The following RP1 variants were observed in gnomAD, a reference collection of about 807,000 sequenced individuals.
The protein encoded by RP1 is oxygen-regulated protein 1.
Under a neutral mutation model 14.8 loss-of-function variants are expected in RP1, and 16 were observed. The observed-to-expected ratio is 1.08, with a 90% CI of 0.73 to 1.65. The LOEUF is 1.65. Among genes scored for constraint, RP1 ranks in the 40% most tolerant of loss-of-function variants. The probability of loss-of-function intolerance (pLI) is 0.00; values close to 1 mark genes in which losing one functional copy is unlikely to be tolerated. For synonymous variants in RP1, 876 were observed against 883.6 expected, an observed-to-expected ratio of 0.99 and a Z score of 0.15; for missense variants, 2,631 against 2,535.0, an observed-to-expected ratio of 1.04 and a Z score of -0.81.
chr8:54,573,846 T>C (rs568683932), intron 1 of RP1, among the ~76,000 whole-genome samples: 48 of 152,264 alleles, frequency 3.2e-4, no homozygotes, highest in Admixed American at 9.2e-4. Context: ...AAACATAACA[T>C]AAAGGGGTTA....
chr8:54,836,974 G>C (rs899065105), intron 24 of RP1, among the ~76,000 whole-genome samples: 1 of 152,154 alleles, frequency 6.6e-6, no homozygotes, highest in East Asian at 1.9e-4. Flanking sequence ...GTTCTGGGGG[G>C]TGCAAAGGAA....
chr8:54,734,812 G>GT, intron 18 of RP1: 1 of 1,162,354 alleles, frequency 8.6e-7, no homozygotes, highest in East Asian at 2.6e-5. Flanking sequence ...GTAGAAGTGT[G>GT]TGTGTGTGTG....
At chr8:54,770,155 G>A, downstream of RP1, 1 of 401,720 alleles carries the variant, frequency 2.5e-6, no homozygotes. Flanking sequence ...TAAAATACAA[G>A]AGGAAGCAAA....
chr8:54,783,593 C>T (rs374666980), exon 24 of RP1: 89 of 1,231,474 alleles, frequency 7.2e-5, no homozygotes, highest in South Asian at 1.2e-4. Flanking sequence ...TTGAAAATGC[C>T]GGCACCACGG....
At chr8:54,749,213 C>A (rs1261782447) in intron 19 of RP1, among the ~76,000 whole-genome samples, 1 of 151,958 alleles carries the variant, frequency 6.6e-6, no homozygotes, top group Non-Finnish European at 1.5e-5. Flanking sequence ...CACCTGTAGT[C>A]CCAGCTACTT....
exon 26 of RP1, chr8:54,852,718 A>C: frequency 8.1e-7 from 1 of 1,232,044 alleles, no homozygotes. Flanking sequence ...ATCAAGTTTC[A>C]GCGTGGACAG....
downstream of RP1, among the ~76,000 whole-genome samples, chr8:54,635,799 C>T (rs1768477465): frequency 6.6e-6 from 1 of 152,110 alleles, no homozygotes; most frequent in African/African-American, 2.4e-5. Context: ...ATAGGTTCAC[C>T]CCTTCAGGAG....
At position 54,628,628 on chromosome 8, in the gene RP1, C is replaced by A. The variant is rs372895805; in HGVS notation, c.4746C>A (p.Cys1582Ter). Reference protein sequence around the residue: ...YSESSPDLKKCIKSPVTSDWS... With the variant: ...YSESSPDLKK ...AGTCCTCTCCTGATTTAAAAAAATG[C>A]ATCAAAAGTCCAGTGACTTCTGATT... Residue 1582 changes from cysteine to a stop codon, truncating the protein, a stop_gained, in exon 4 of 4, where the codon TGC becomes TGA. Transcript: ENST00000220676. LOFTEE classifies it low-confidence loss of function (END_TRUNC). 4 of 1,613,964 alleles carry A rather than the reference C, an allele frequency of 2.5e-6. No individual in the cohort carries two copies. The highest frequency in any genetic ancestry group is 3.4e-6 in the Non-Finnish European group (4 of 1,179,928).
At chr8:54,849,488 G>A (rs1812009012) in intron 25 of RP1, among the ~76,000 whole-genome samples, 1 of 151,988 alleles carries the variant, frequency 6.6e-6, no homozygotes, top group East Asian at 1.9e-4. Flanking sequence ...ATGTCCCCAT[G>A]AAAAGCAAGT....
chr8:54,825,796 A>G (rs116978753), intron 24 of RP1, among the ~76,000 whole-genome samples: 2,857 of 152,204 alleles, frequency 0.019, 38 homozygotes, highest in South Asian at 0.033. Context: ...AAGAGATAAA[A>G]TAGGATGGCT....
intron 3 of RP1, among the ~76,000 whole-genome samples, chr8:54,638,893 TCTCTCTCTCTCTCTCG>T (rs1173215004): frequency 9.3e-4 from 105 of 113,476 alleles, no homozygotes; most frequent in African/African-American, 3.6e-3. Context: ...TCTCTCTCTC[TCTCTCTCTCTCTCTCG>T]GTCTCTCTCA....
At chr8:54,751,837 C>T (rs1194265213) in intron 19 of RP1, among the ~76,000 whole-genome samples, 4 of 152,142 alleles carry the variant, frequency 2.6e-5, no homozygotes, top group Admixed American at 6.6e-5. Flanking sequence ...TGTTTCGAGC[C>T]ATCATGACTT....
Position 54,625,867 on chromosome 8 carries a change from AG to A in RP1, c.1986del (p.Lys663ArgfsTer19), listed in dbSNP as rs754246929. 3 of 1,613,688 alleles carry A rather than the reference AG, an allele frequency of 1.9e-6. No homozygotes were observed. The highest frequency in any genetic ancestry group is 2.7e-5 in the African/African-American group (2 of 74,936). ...TTAACAAAACTTCCAAAAAATGAAA[AG>A]AAGATTTTGTCATCTGTTGCCAGCA... ...CGLTKLPKNE[K>X]KILSSVASKK... On this transcript the variant is annotated frameshift_variant, in exon 4 of 4. Coordinates refer to ENST00000220676, the MANE Select transcript of RP1 (RefSeq NM_006269.2). LOFTEE classifies it low-confidence loss of function (END_TRUNC).
chr8:54,802,651 T>G (rs1810740644), intron 24 of RP1, among the ~76,000 whole-genome samples: 1 of 152,198 alleles, frequency 6.6e-6, no homozygotes, highest in African/African-American at 2.4e-5. Flanking sequence ...CAGCAAGTAT[T>G]TCTATGATAC....
chr8:54,579,920 G>T (rs1051511853), intron 1 of RP1, among the ~76,000 whole-genome samples: 2 of 152,202 alleles, frequency 1.3e-5, no homozygotes, highest in Non-Finnish European at 1.5e-5. Flanking sequence ...TCTCCTGGGA[G>T]TGCAGTGCTC....
exon 4 of RP1, chr8:54,649,038 A>C: frequency 6.5e-7 from 1 of 1,530,698 alleles, no homozygotes; most frequent in Non-Finnish European, 8.7e-7. Context: ...TGCAGGGACC[A>C]GCTCACAGAT....
chr8:54,820,519 G>T (rs192658851), intron 24 of RP1, among the ~76,000 whole-genome samples: 1 of 152,068 alleles, frequency 6.6e-6, no homozygotes, highest in South Asian at 2.1e-4. Context: ...CCCTTCATGG[G>T]CACAGGAAGA....
At chr8:54,807,688 C>A (rs1810890823) in intron 24 of RP1, among the ~76,000 whole-genome samples, 1 of 150,398 alleles carries the variant, frequency 6.6e-6, no homozygotes, top group South Asian at 2.1e-4. Context: ...TTATCTATCT[C>A]TATCTATCTA....
In RP1 at chr8:54,781,661, C is replaced by T. The variant is rs1467377858; in HGVS notation, c.3452-1886C>T. Reference sequence around the variant, plus strand: ...TGTTATTTTCTACAAGTGTTCTCAACTATTTTGTATTTTAGGTAGTGAAAC... The same window carrying T: ...TGTTATTTTCTACAAGTGTTCTCAATTATTTTGTATTTTAGGTAGTGAAAC... On this transcript the variant is annotated intron_variant, in intron 23 of 28. Transcript: ENST00000637698. Among the ~76,000 whole-genome samples the T allele has an allele frequency of 2.6e-5, 4 of 152,128 alleles. No homozygotes were observed. The East Asian group carries it at 7.7e-4, about 29-fold the overall frequency.
Sources: allele counts gnomAD v4.1 joint callset (sites outside exome capture counted in the v4.1 genomes callset), GRCh38; gene constraint gnomAD v4.1.1; transcripts MANE v1.5; gene names NCBI Gene and HGNC (gene_info 2026-07-23, HGNC 2026-07-21).